The following SPECC1L variants were observed in gnomAD, a reference collection of about 807,000 sequenced individuals.
The protein encoded by SPECC1L is cytospin-A.
SPECC1L carries 40 observed loss-of-function variants against 116.8 expected under a neutral mutation model. That is an observed-to-expected ratio of 0.34 (90% CI 0.27 to 0.45). The LOEUF (loss-of-function observed/expected upper bound fraction) is 0.45, where lower values mean the gene tolerates loss of function less well. SPECC1L is among the 20% of genes least tolerant of loss of function. The pLI, the probability that SPECC1L is intolerant of heterozygous loss-of-function variation, is 1.00. For synonymous variants in SPECC1L, 504 were observed against 500.6 expected (o/e 1.01, Z -0.09); for missense variants, 1,110 against 1,373.6 (o/e 0.81, Z 3.03).
At chr22:24,359,861 C>T (rs968583392) in intron 11 of SPECC1L, among the ~76,000 whole-genome samples, 2 of 152,152 alleles carry the variant, frequency 1.3e-5, no homozygotes, top group Admixed American at 1.3e-4. Context: ...CTTTCCTGTT[C>T]TCCCCTCAAG....
At chr22:24,387,773 A>G (rs925387552) in intron 14 of SPECC1L, among the ~76,000 whole-genome samples, 1 of 152,208 alleles carries the variant, frequency 6.6e-6, no homozygotes, top group Non-Finnish European at 1.5e-5. Flanking sequence ...CATATTTTTC[A>G]TCTTAGAATT....
At chr22:24,315,169 C>T (rs1049401886) in intron 4 of SPECC1L, among the ~76,000 whole-genome samples, 9 of 152,250 alleles carry the variant, frequency 5.9e-5, no homozygotes, top group African/African-American at 2.2e-4. Flanking sequence ...TTAGACTCTC[C>T]TAGCCCAGGA....
At chr22:24,375,278 A>T (rs2041950242) in intron 14 of SPECC1L, among the ~76,000 whole-genome samples, 2 of 152,224 alleles carry the variant, frequency 1.3e-5, no homozygotes, top group African/African-American at 4.8e-5. Context: ...ATACTTCTCA[A>T]ACTCTTCCAA....
At chr22:24,359,742 C>T (rs964329825) in intron 11 of SPECC1L, among the ~76,000 whole-genome samples, 1 of 152,174 alleles carries the variant, frequency 6.6e-6, no homozygotes, top group Non-Finnish European at 1.5e-5. Context: ...TGGGGGTATA[C>T]TAAGCACTCA....
rs531479559 is a variant in SPECC1L, at chr22:24,415,354, A to G, written c.*731A>G. 2.5e-4 allele frequency: 38 copies of G among 152,872 alleles called. No individual in the cohort carries two copies. Among genetic ancestry groups the G allele is most frequent in the African/African-American group, 8.7e-4 (36 of 41,578 alleles). The allele number at this position is 152,872 out of a possible 1,614,324, so 9.5% of individuals were successfully genotyped here. ...GCCTGGACTCAGCGACCTGTCTTCC[A>G]GCCTGGAAGGGGTTTGGAGTCCCAG... On this transcript the variant is annotated 3_prime_UTR_variant, in exon 17 of 17. Transcript: ENST00000314328.
chr22:24,321,956 T>G lies in SPECC1L; in HGVS notation c.976T>G (p.Leu326Val). 6.2e-7 allele frequency: 1 copy of G among 1,614,150 alleles called. No individual in the cohort carries two copies. The highest frequency in any genetic ancestry group is 1.7e-5 in the Admixed American group (1 of 60,028). Reference sequence around the variant, plus strand: ...TGCCCCTGGCTCAGTGGAGGATCTCTTGAGTCAGGATGAAAATACACTAAT... The same window carrying G: ...TGCCCCTGGCTCAGTGGAGGATCTCGTGAGTCAGGATGAAAATACACTAAT... ...GSAPGSVEDL[L>V]SQDENTLMDH... Residue 326 changes from leucine (L) to valine (V), a missense_variant, in exon 5 of 17, where the codon TTG (leucine) becomes GTG (valine). Coordinates refer to ENST00000314328, the MANE Select transcript of SPECC1L (RefSeq NM_015330.6).
rs1488498285 is a variant in SPECC1L at position 24,322,420 on chromosome 22, T to G, written c.1440T>G (p.Asp480Glu). 1 of 1,614,176 alleles carries G rather than the reference T, an allele frequency of 6.2e-7. No individual in the cohort carries two copies. Among genetic ancestry groups the G allele is most frequent in the Admixed American group, 1.7e-5 (1 of 60,026 alleles). The change falls in exon 5 of 17, where the codon GAT (aspartate) becomes GAG (glutamate). Residue 480 changes from aspartate (D) to glutamate (E), a missense_variant. Coordinates refer to ENST00000314328, the MANE Select transcript of SPECC1L (RefSeq NM_015330.6). Reference protein sequence around the residue: ...LDEHHISYVIDEDVKSGRYME... With the variant: ...LDEHHISYVIEEDVKSGRYME... ...AGCATCACATTTCTTATGTCATAGA[T>G]GAAGATGTAAAAAGTGGGCGCTATA...
At chr22:24,342,259 T>G (rs990743320) in intron 10 of SPECC1L, among the ~76,000 whole-genome samples, 1 of 152,196 alleles carries the variant, frequency 6.6e-6, no homozygotes, top group Non-Finnish European at 1.5e-5. Flanking sequence ...AGTCAATAGA[T>G]GCAGACCTAG....
intron 3 of SPECC1L, among the ~76,000 whole-genome samples, chr22:24,302,704 A>G (rs1431631156): frequency 2.0e-5 from 3 of 152,226 alleles, no homozygotes; most frequent in African/African-American, 4.8e-5. Context: ...AGGCACAAAC[A>G]TGAATAATGA....
chr22:24,329,260 T>A (rs1456806184), intron 7 of SPECC1L, among the ~76,000 whole-genome samples: 1 of 152,240 alleles, frequency 6.6e-6, no homozygotes, highest in Non-Finnish European at 1.5e-5. Flanking sequence ...GCTTAGCTGT[T>A]AAGTATAGTG....
chr22:24,384,447 A>G (rs931731623), intron 14 of SPECC1L, among the ~76,000 whole-genome samples: 4 of 152,248 alleles, frequency 2.6e-5, no homozygotes, highest in African/African-American at 9.6e-5. Context: ...GTAAATATAT[A>G]TGAATATTGA....
At chr22:24,375,091 C>T (rs2041946419) in intron 14 of SPECC1L, among the ~76,000 whole-genome samples, 1 of 152,062 alleles carries the variant, frequency 6.6e-6, no homozygotes, top group South Asian at 2.1e-4. Context: ...ATGATATGGA[C>T]AAATTCCTAG....
Position 24,414,743 on chromosome 22 carries a change from G to C in SPECC1L, c.*120G>C. On this transcript the variant is annotated 3_prime_UTR_variant, in exon 17 of 17. Transcript: ENST00000314328. The stretch of plus-strand genomic sequence containing the variant: ...CAGCAACTCTGGGCTGCCCCACAGC[G>C]TGTGAGCCTCCAGCTCGGGGCTTCC... The C allele has an allele frequency of 1.2e-6, 1 of 837,602 alleles. No individual in the cohort carries two copies. 51.9% of individuals were successfully genotyped at this position (837,602 alleles called of 1,614,324 possible).
At chr22:24,344,341 AT>A (rs1004116194) in intron 10 of SPECC1L, among the ~76,000 whole-genome samples, 20 of 149,824 alleles carry the variant, frequency 1.3e-4, no homozygotes, top group African/African-American at 3.0e-4. Context: ...GGGAAAAAAA[AT>A]TAAAAAAAAA....
chr22:24,340,307 C>T (rs1304106575), intron 10 of SPECC1L, among the ~76,000 whole-genome samples: 1 of 151,790 alleles, frequency 6.6e-6, no homozygotes, highest in East Asian at 1.9e-4. Flanking sequence ...ACCACCACAC[C>T]CAGCTAATTT....
intron 11 of SPECC1L, among the ~76,000 whole-genome samples, chr22:24,354,840 C>T (rs1601598648): frequency 6.6e-6 from 1 of 151,698 alleles, no homozygotes; most frequent in South Asian, 2.1e-4. Flanking sequence ...TTTTTTGTAT[C>T]TTTAGTAGAG....
At chr22:24,300,040 T>G (rs572153417) in intron 2 of SPECC1L, among the ~76,000 whole-genome samples, 38 of 152,332 alleles carry the variant, frequency 2.5e-4, no homozygotes, top group Middle Eastern at 3.4e-3. Flanking sequence ...GAAAACAAGA[T>G]ACATGTGCAG....
At chr22:24,313,022 T>C (rs2040492059) in intron 3 of SPECC1L, among the ~76,000 whole-genome samples, 1 of 152,236 alleles carries the variant, frequency 6.6e-6, no homozygotes, top group South Asian at 2.1e-4. Context: ...AGATATCATG[T>C]GCTATCCCCC....
intron 4 of SPECC1L, among the ~76,000 whole-genome samples, chr22:24,318,781 T>A (rs1327263929): frequency 1.3e-5 from 2 of 151,966 alleles, no homozygotes; most frequent in Non-Finnish European, 2.9e-5. Context: ...ATACAAAAAT[T>A]AGCTGGGTAT....
Sources: allele counts gnomAD v4.1 joint callset (sites outside exome capture counted in the v4.1 genomes callset), GRCh38; gene constraint gnomAD v4.1.1; transcripts MANE v1.5; gene names NCBI Gene and HGNC (gene_info 2026-07-23, HGNC 2026-07-21).